MARCHF1: variants seen among roughly 807,000 people sequenced by gnomAD.
MARCHF1 encodes the protein membrane associated ring-CH-type finger 1.
A neutral mutation model predicts 54.2 loss-of-function variants in MARCHF1; 40 were observed. The observed-to-expected ratio is 0.74, with a 90% confidence interval of 0.57 to 0.96. The LOEUF is 0.96. Among genes scored for constraint, MARCHF1 ranks in the 40% least tolerant of loss-of-function variants. The probability of loss-of-function intolerance (pLI) is 0.00; values close to 1 mark genes in which losing one functional copy is unlikely to be tolerated. For synonymous variants in MARCHF1, 236 were observed against 236.3 expected, an observed-to-expected ratio of 1.00 and a Z score of 0.01; for missense variants, 586 against 656.5, an observed-to-expected ratio of 0.89 and a Z score of 1.17.
chr4:163,650,446 C>A (rs889936397), intron 5 of MARCHF1, among the ~76,000 whole-genome samples: 1 of 151,786 alleles, frequency 6.6e-6, no homozygotes, highest in African/African-American at 2.4e-5. Flanking sequence ...TCTCAAGACC[C>A]CTGAAAGTTA....
intron 1 of MARCHF1, among the ~76,000 whole-genome samples, chr4:164,131,295 T>G (rs752416002): frequency 6.6e-6 from 1 of 152,134 alleles, no homozygotes; most frequent in Non-Finnish European, 1.5e-5. Context: ...GGAAGGAAGC[T>G]AAATAAAGTA....
chr4:164,189,437 C>A, intron 1 of MARCHF1: 1 of 695,202 alleles, frequency 1.4e-6, no homozygotes, highest in South Asian at 1.6e-5. Context: ...TTGAAGAATT[C>A]TGATATTGAT....
chr4:163,655,788 A>G (rs750874214), intron 5 of MARCHF1, among the ~76,000 whole-genome samples: 15 of 152,032 alleles, frequency 9.9e-5, no homozygotes, highest in Non-Finnish European at 1.9e-4. Context: ...AAATTGAACA[A>G]CCTGCTTCTG....
At position 164,207,190 on chromosome 4, in the gene MARCHF1, TTG is replaced by T. The variant is rs534074330; in HGVS notation, c.-322-95530_-322-95529del. 1.3e-3 allele frequency among the ~76,000 whole-genome samples: 199 copies of T among 152,348 alleles called. 1 individual carries two copies. Among genetic ancestry groups the T allele is most frequent in the African/African-American group, 4.1e-3 (172 of 41,590 alleles). ...TATACCAAGATAAGTCATCATTATTTTGTGTTTTACAATGCATAAAAACATTA... is the reference window on the plus strand; with the variant it reads ...TATACCAAGATAAGTCATCATTATTTTGTTTTACAATGCATAAAAACATTA... On this transcript the variant is annotated intron_variant, in intron 1 of 9. Coordinates refer to ENST00000514618, the MANE Select transcript of MARCHF1 (RefSeq NM_001394959.1).
intron 1 of MARCHF1, among the ~76,000 whole-genome samples, chr4:164,156,812 A>G (rs948649776): frequency 3.3e-5 from 5 of 152,114 alleles, no homozygotes; most frequent in Non-Finnish European, 5.9e-5. Context: ...ATGCCCATGT[A>G]TCTGTTTATA....
At chr4:164,262,438 C>T (rs1018409336) in intron 1 of MARCHF1, among the ~76,000 whole-genome samples, 1 of 152,150 alleles carries the variant, frequency 6.6e-6, no homozygotes, top group Admixed American at 6.6e-5. Flanking sequence ...AAGACAGTCT[C>T]CTTTTATTTT....
At chr4:163,799,105 A>G (rs1234649922) in intron 4 of MARCHF1, among the ~76,000 whole-genome samples, 1 of 152,156 alleles carries the variant, frequency 6.6e-6, no homozygotes, top group Non-Finnish European at 1.5e-5. Context: ...AAAAGTAAAT[A>G]AAATGAAATT....
At chr4:163,704,254 A>G (rs1744888919) in intron 4 of MARCHF1, among the ~76,000 whole-genome samples, 1 of 151,890 alleles carries the variant, frequency 6.6e-6, no homozygotes, top group South Asian at 2.1e-4. Flanking sequence ...GGAGAAACTA[A>G]GGTAATTTGG....
At position 164,053,913 on chromosome 4, in the gene MARCHF1, A is replaced by G. The variant is rs558941653; in HGVS notation, c.-248+57675T>C. Reference sequence around the variant, plus strand: ...CCAAAAGCAATGGCAACAAAGACAAAATTGACAAATGGGATCTAATTAAAC... The same window carrying G: ...CCAAAAGCAATGGCAACAAAGACAAGATTGACAAATGGGATCTAATTAAAC... On this transcript the variant is annotated intron_variant, in intron 2 of 9. Transcript: ENST00000514618. 1.1e-4 allele frequency among the ~76,000 whole-genome samples: 17 copies of G among 152,292 alleles called. 1 individual carries two copies. In the South Asian group the frequency reaches 3.5e-3, roughly 32 times the overall value.
intron 5 of MARCHF1, among the ~76,000 whole-genome samples, chr4:163,645,907 A>G (rs1265988927): frequency 6.6e-6 from 1 of 152,158 alleles, no homozygotes; most frequent in Non-Finnish European, 1.5e-5. Context: ...AACCCAATAC[A>G]AATTATAGAG....
intron 1 of MARCHF1, among the ~76,000 whole-genome samples, chr4:164,280,238 T>C (rs528720443): frequency 2.9e-4 from 44 of 152,118 alleles, no homozygotes; most frequent in African/African-American, 7.7e-4. Flanking sequence ...TAAGTTTACA[T>C]AGATCTTTCC....
At chr4:164,248,841 CA>C (rs571111445) in intron 1 of MARCHF1, among the ~76,000 whole-genome samples, 2 of 151,404 alleles carry the variant, frequency 1.3e-5, no homozygotes, top group African/African-American at 2.4e-5. Context: ...CAGAAAAGAT[CA>C]AAAAAACACT....
At chr4:164,028,005 A>G (rs1465482803) in intron 2 of MARCHF1, among the ~76,000 whole-genome samples, 3 of 152,200 alleles carry the variant, frequency 2.0e-5, no homozygotes, top group Non-Finnish European at 4.4e-5. Flanking sequence ...GTCATCAGAG[A>G]AATGCAAGTT....
intron 3 of MARCHF1, among the ~76,000 whole-genome samples, chr4:163,968,714 G>A (rs893952834): frequency 6.6e-6 from 1 of 152,094 alleles, no homozygotes. Context: ...TGTAGATGCA[G>A]ACACCCATAT....
intron 1 of MARCHF1, among the ~76,000 whole-genome samples, chr4:164,146,477 A>G (rs1268288564): frequency 1.3e-5 from 2 of 152,332 alleles, no homozygotes; most frequent in Non-Finnish European, 1.5e-5. Flanking sequence ...AAACAGAGAT[A>G]TAGATCAATG....
intron 2 of MARCHF1, among the ~76,000 whole-genome samples, chr4:164,057,328 G>T (rs1754515358): frequency 6.6e-6 from 1 of 152,134 alleles, no homozygotes; most frequent in Admixed American, 6.5e-5. Context: ...AAGTTTTTCT[G>T]AGCTAATGTG....
intron 5 of MARCHF1, among the ~76,000 whole-genome samples, chr4:163,654,386 G>A (rs1743068812): frequency 6.6e-6 from 1 of 151,640 alleles, no homozygotes; most frequent in South Asian, 2.1e-4. Flanking sequence ...CTTTGAAGCA[G>A]TTGAGAGATT....
chr4:163,802,755 T>C (rs1748116818), intron 4 of MARCHF1, among the ~76,000 whole-genome samples: 1 of 152,214 alleles, frequency 6.6e-6, no homozygotes, highest in South Asian at 2.1e-4. Context: ...ATTGCATTTA[T>C]AAAAGAAAGA....
intron 3 of MARCHF1, among the ~76,000 whole-genome samples, chr4:163,881,320 C>G (rs573411344): frequency 1.3e-5 from 2 of 152,074 alleles, no homozygotes; most frequent in South Asian, 4.1e-4. Flanking sequence ...ACTAAAAGAA[C>G]AAAAATTAGG....
Sources: allele counts gnomAD v4.1 joint callset (sites outside exome capture counted in the v4.1 genomes callset), GRCh38; gene constraint gnomAD v4.1.1; transcripts MANE v1.5; gene names NCBI Gene and HGNC (gene_info 2026-07-23, HGNC 2026-07-21).